The following SMPD3 variants were observed in gnomAD, a reference collection of about 807,000 sequenced individuals.
SMPD3 encodes the protein sphingomyelin phosphodiesterase 3, also known as nSMase-2.
A neutral mutation model predicts 55.7 loss-of-function variants in SMPD3; 21 were observed. The observed-to-expected ratio is 0.38, with a 90% CI of 0.27 to 0.54. The LOEUF is 0.54. Ranked by LOEUF, SMPD3 falls within the 20% of genes least tolerant of loss-of-function variation. The pLI is 0.80. For synonymous variants in SMPD3, 457 were observed against 404.3 expected, an observed-to-expected ratio of 1.13 and a Z score of -1.56; for missense variants, 842 against 899.6, an observed-to-expected ratio of 0.94 and a Z score of 0.82.
chr16:68,388,153 GC>G (rs2090077307), intron 1 of SMPD3, among the ~76,000 whole-genome samples: 2 of 152,186 alleles, frequency 1.3e-5, no homozygotes, highest in Non-Finnish European at 1.5e-5. Context: ...GGAAGCCAGA[GC>G]CCCCCAGGTC....
At chr16:68,418,858 C>G (rs1055259811) in intron 1 of SMPD3, among the ~76,000 whole-genome samples, 36 of 152,114 alleles carry the variant, frequency 2.4e-4, no homozygotes, top group African/African-American at 8.2e-4. Context: ...CTTTCTTGTC[C>G]TTTTGGGTGA....
At chr16:68,426,651 T>C (rs1052620833) in intron 1 of SMPD3, among the ~76,000 whole-genome samples, 1 of 152,192 alleles carries the variant, frequency 6.6e-6, no homozygotes, top group African/African-American at 2.4e-5. Flanking sequence ...GCACCCAAAA[T>C]AGAAATATCC....
chr16:68,442,124 C>T (rs35289698), intron 1 of SMPD3, among the ~76,000 whole-genome samples: 335 of 152,232 alleles, frequency 2.2e-3, no homozygotes, highest in African/African-American at 7.3e-3. Flanking sequence ...CCTATGTTAA[C>T]GGAAATGTAT....
At chr16:68,401,605 A>G (rs151329265) in intron 1 of SMPD3, among the ~76,000 whole-genome samples, 13 of 152,126 alleles carry the variant, frequency 8.5e-5, no homozygotes, top group African/African-American at 2.7e-4. Context: ...GGCCTTGCCT[A>G]AAAGGTAATT....
At chr16:68,434,042 A>AAAATTAT (rs1286427125) in intron 1 of SMPD3, among the ~76,000 whole-genome samples, 1 of 152,196 alleles carries the variant, frequency 6.6e-6, no homozygotes, top group Admixed American at 6.5e-5. Context: ...GGATTTTGAA[A>AAAATTAT]ACTGCTATTA....
chr16:68,418,241 G>A (rs909147382), intron 1 of SMPD3, among the ~76,000 whole-genome samples: 1 of 152,018 alleles, frequency 6.6e-6, no homozygotes, highest in Non-Finnish European at 1.5e-5. Context: ...AGAAGGTCCC[G>A]TGTAGATGCC....
intron 2 of SMPD3, among the ~76,000 whole-genome samples, chr16:68,377,814 G>A (rs2089856863): frequency 6.6e-6 from 1 of 152,242 alleles, no homozygotes; most frequent in East Asian, 1.9e-4. Flanking sequence ...AAGGGTCCTA[G>A]GTGGATCCTG....
Position 68,404,989 on chromosome 16 carries a change from C to A in SMPD3, c.-268-18330G>T, listed in dbSNP as rs1053666749. On this transcript the variant is annotated intron_variant, in intron 1 of 8. Coordinates refer to ENST00000219334, the MANE Select transcript of SMPD3 (RefSeq NM_018667.4). The surrounding 1 kb of genome is among the most constrained non-coding windows in gnomAD (Gnocchi z 4.0). ...GCTCTTATCCGGGCATTTGGTAACT[C>A]GAGGAAAATGGACTTTTCCTCTTCT... 6.6e-6 allele frequency among the ~76,000 whole-genome samples: 1 copy of A among 152,232 alleles called. No individual in the cohort carries two copies. Among genetic ancestry groups the A allele is most frequent in the Non-Finnish European group, 1.5e-5 (1 of 68,048 alleles).
chr16:68,379,883 G>A (rs901065485), intron 2 of SMPD3, among the ~76,000 whole-genome samples: 5 of 152,228 alleles, frequency 3.3e-5, no homozygotes, highest in Admixed American at 6.5e-5. Flanking sequence ...CAACTCGGGC[G>A]TGACTGGAAA....
Position 68,364,903 on chromosome 16 carries a change from T to C in SMPD3, c.1403A>G (p.Asp468Gly). The C allele has an allele frequency of 6.2e-7, 1 of 1,613,626 alleles. No individual in the cohort carries two copies. The highest frequency in any genetic ancestry group is 2.2e-5 in the East Asian group (1 of 44,864). The change falls in exon 5 of 9, where the codon GAC becomes GGC. Residue 468 changes from aspartate to glycine, a missense_variant. Transcript: ENST00000219334. ...CAGCTGCCCACACCGGATGGCGCTG[T>C]CCTCTGCAGGGCAGAAGTACAGAGA... ...ACTHLHAPQE[D>G]SAIRCGQLDL...
intron 1 of SMPD3, among the ~76,000 whole-genome samples, chr16:68,396,448 C>T (rs780927229): frequency 3.9e-5 from 6 of 152,210 alleles, no homozygotes; most frequent in African/African-American, 1.2e-4. Context: ...TGCTCTTTCA[C>T]GCCTCCATGC....
chr16:68,448,134 G>T (rs114485461), intron 1 of SMPD3, among the ~76,000 whole-genome samples: 222 of 152,146 alleles, frequency 1.5e-3, no homozygotes, highest in African/African-American at 5.2e-3. Flanking sequence ...CCCAGCCCTC[G>T]CCCCTCATAC....
chr16:68,361,547 G>T, intron 8 of SMPD3, 56 bp downstream of exon 8: 2 of 1,591,632 alleles, frequency 1.3e-6, no homozygotes. Context: ...GAGCTGCAGG[G>T]CCCGGGCCCT....
At chr16:68,364,624 A>G (rs904108206) in intron 5 of SMPD3, 127 bp downstream of exon 5, 5 of 1,090,518 alleles carry the variant, frequency 4.6e-6, no homozygotes, top group Non-Finnish European at 6.6e-6. Flanking sequence ...GTCTTGCTAA[A>G]TACCCCGCCC....
chr16:68,382,569 G>A (rs2089972110), intron 2 of SMPD3, among the ~76,000 whole-genome samples: 1 of 152,206 alleles, frequency 6.6e-6, no homozygotes, highest in South Asian at 2.1e-4. Flanking sequence ...GGAAGGTGGT[G>A]GGTATTGGGT....
intron 1 of SMPD3, among the ~76,000 whole-genome samples, chr16:68,429,760 C>T: frequency 6.6e-6 from 1 of 152,124 alleles, no homozygotes. Context: ...AGGGAGGGAC[C>T]TTTTCCTGGG....
intron 2 of SMPD3, among the ~76,000 whole-genome samples, chr16:68,377,290 G>A (rs1277021520): frequency 2.6e-5 from 4 of 152,196 alleles, no homozygotes; most frequent in Non-Finnish European, 5.9e-5. Context: ...GACTTTGGGA[G>A]CCCAGAAAAC....
chr16:68,376,037 C>T (rs2089804680), intron 2 of SMPD3, among the ~76,000 whole-genome samples: 1 of 152,190 alleles, frequency 6.6e-6, no homozygotes, highest in South Asian at 2.1e-4. Flanking sequence ...AAAGGGATTG[C>T]CACCCATGGA....
At chr16:68,429,515 G>A (rs984175851) in intron 1 of SMPD3, among the ~76,000 whole-genome samples, 6 of 152,182 alleles carry the variant, frequency 3.9e-5, no homozygotes, top group African/African-American at 1.4e-4. Context: ...AATTGTTTCT[G>A]CTCTCAGCAA....
Sources: allele counts gnomAD v4.1 joint callset (sites outside exome capture counted in the v4.1 genomes callset), GRCh38; gene constraint gnomAD v4.1.1; non-coding constraint Gnocchi (gnomAD v3.1); transcripts MANE v1.5; gene names NCBI Gene and HGNC (gene_info 2026-07-23, HGNC 2026-07-21).